Variants in GALNT2 observed in about 807,000 individuals in gnomAD.
GALNT2 encodes the protein polypeptide N-acetylgalactosaminyltransferase 2, also known as UDP-GalNAc:polypeptide N-acetylgalactosaminyltransferase 2.
In GALNT2, 31 loss-of-function variants were observed where a neutral mutation model predicts 81.4. That is an observed-to-expected ratio of 0.38 (90% CI 0.29 to 0.51). The LOEUF is 0.51. Among genes scored for constraint, GALNT2 ranks in the 20% least tolerant of loss-of-function variants. The pLI is 0.87. For synonymous variants in GALNT2, 303 were observed against 287.4 expected (o/e 1.05, Z -0.55); for missense variants, 629 against 765.7 (o/e 0.82, Z 2.11).
chr1:230,201,836 GC>G (rs1221931713), intron 2 of GALNT2, among the ~76,000 whole-genome samples: 1 of 152,084 alleles, frequency 6.6e-6, no homozygotes, highest in African/African-American at 2.4e-5. Context: ...CCCACACCCT[GC>G]CTTTGTTCAG....
intron 3 of GALNT2, among the ~76,000 whole-genome samples, chr1:230,226,701 CA>C (rs1664725013): frequency 6.6e-6 from 1 of 152,250 alleles, no homozygotes; most frequent in Non-Finnish European, 1.5e-5. Context: ...TTAGGGGAGC[CA>C]GTCATCGCAC....
At chr1:230,148,981 A>C (rs1023730071) in intron 1 of GALNT2, among the ~76,000 whole-genome samples, 1 of 151,730 alleles carries the variant, frequency 6.6e-6, no homozygotes, top group African/African-American at 2.4e-5. Flanking sequence ...CCTGGGCTCA[A>C]ATGATTCTCC....
At position 230,227,884 on chromosome 1, in the gene GALNT2, G is replaced by T. The variant is rs115101585; in HGVS notation, c.375-8130G>T. Among the ~76,000 whole-genome samples, 717 of 152,252 alleles carry T rather than the reference G, an allele frequency of 4.7e-3. 10 individuals carry two copies. Among genetic ancestry groups the T allele is most frequent in the African/African-American group, 0.017 (688 of 41,558 alleles). ...TATTGTGTTGCAGGCCATAATCACT[G>T]CCATCTTAAGAATTGCAAGATGTGT... On this transcript the variant is annotated intron_variant, in intron 3 of 15. Coordinates refer to ENST00000366672, the MANE Select transcript of GALNT2 (RefSeq NM_004481.5).
At chr1:230,174,995 G>A (rs1033400757) in intron 1 of GALNT2, among the ~76,000 whole-genome samples, 12 of 152,172 alleles carry the variant, frequency 7.9e-5, no homozygotes, top group African/African-American at 2.9e-4. Flanking sequence ...TGTTCCCCAC[G>A]CTTGTCTGTG....
intron 1 of GALNT2, among the ~76,000 whole-genome samples, chr1:230,098,288 G>A (rs1660307442): frequency 6.6e-6 from 1 of 151,874 alleles, no homozygotes; most frequent in African/African-American, 2.4e-5. Context: ...TCTCCTTTTG[G>A]TCAACTCTGT....
At chr1:230,225,749 C>A (rs1416545077) in intron 3 of GALNT2, among the ~76,000 whole-genome samples, 3 of 150,328 alleles carry the variant, frequency 2.0e-5, no homozygotes, top group Non-Finnish European at 2.9e-5. Context: ...TTCAAGTTAT[C>A]CAGATGAGTC....
At chr1:230,218,263 G>C (rs1459315956) in intron 3 of GALNT2, among the ~76,000 whole-genome samples, 2 of 152,208 alleles carry the variant, frequency 1.3e-5, no homozygotes, top group Non-Finnish European at 2.9e-5. Context: ...GGATGCCACT[G>C]AGTTTCTTAA....
chr1:230,183,544 C>T (rs1011701979), intron 2 of GALNT2, among the ~76,000 whole-genome samples: 3 of 152,166 alleles, frequency 2.0e-5, no homozygotes, highest in Non-Finnish European at 4.4e-5. Flanking sequence ...TGATTCCTCC[C>T]TCCCATCACT....
intron 1 of GALNT2, among the ~76,000 whole-genome samples, chr1:230,167,180 C>T (rs994438140): frequency 1.3e-5 from 2 of 151,478 alleles, no homozygotes; most frequent in Non-Finnish European, 2.9e-5. Context: ...GTCTCTTACT[C>T]TGTTGCCCAG....
At chr1:230,110,390 G>C (rs946071567) in intron 1 of GALNT2, among the ~76,000 whole-genome samples, 7 of 152,146 alleles carry the variant, frequency 4.6e-5, no homozygotes, top group Admixed American at 1.3e-4. Context: ...AGCTCTGACG[G>C]CCTGGGAGCC....
chr1:230,207,171 T>G (rs1035152517), intron 3 of GALNT2, among the ~76,000 whole-genome samples: 5 of 151,966 alleles, frequency 3.3e-5, no homozygotes, highest in African/African-American at 1.2e-4. Flanking sequence ...TTTAGCAGAG[T>G]GCCTGGCATA....
At chr1:230,221,743 C>T (rs1447637812) in intron 3 of GALNT2, among the ~76,000 whole-genome samples, 1 of 152,014 alleles carries the variant, frequency 6.6e-6, no homozygotes, top group Non-Finnish European at 1.5e-5. Context: ...CTTTGATAAC[C>T]TTTTAAAATT....
At chr1:230,066,517 C>T (rs959957954), upstream of GALNT2, among the ~76,000 whole-genome samples, 1 of 152,222 alleles carries the variant, frequency 6.6e-6, no homozygotes, top group Non-Finnish European at 1.5e-5. Context: ...CCTACCAACT[C>T]AAAACCTCCA....
chr1:230,084,023 C>T (rs1222876648), intron 1 of GALNT2, among the ~76,000 whole-genome samples: 1 of 152,236 alleles, frequency 6.6e-6, no homozygotes, highest in South Asian at 2.1e-4. Flanking sequence ...AGGGTCTGCA[C>T]TTCCAGCAGC....
intron 14 of GALNT2, among the ~76,000 whole-genome samples, chr1:230,266,874 G>A (rs1057008134): frequency 1.1e-4 from 17 of 152,204 alleles, no homozygotes; most frequent in East Asian, 7.7e-4. Flanking sequence ...CCGTATCAGC[G>A]TCAACAGTCT....
intron 3 of GALNT2, among the ~76,000 whole-genome samples, chr1:230,216,753 A>G (rs932450478): frequency 1.3e-5 from 2 of 152,180 alleles, no homozygotes; most frequent in Non-Finnish European, 2.9e-5. Context: ...TTAAATGTTA[A>G]TGGTAGAACC....
In GALNT2 at chr1:230,249,175, G is replaced by T; in HGVS notation, c.818-9G>T. On this transcript the variant is annotated splice_polypyrimidine_tract_variant and intron_variant, in intron 8 of 15. Coordinates refer to ENST00000366672, the MANE Select transcript of GALNT2 (RefSeq NM_004481.5). ...TTGTCAACACCCTGTTTCTTTTCCTGGCTGGCAGGTTTTGATTGGAACTTG... is the reference window on the plus strand; with the variant it reads ...TTGTCAACACCCTGTTTCTTTTCCTTGCTGGCAGGTTTTGATTGGAACTTG... 1 of 1,613,920 alleles carries T rather than the reference G, an allele frequency of 6.2e-7. No homozygotes were observed. Among genetic ancestry groups the T allele is most frequent in the South Asian group, 1.1e-5 (1 of 91,064 alleles).
At position 230,131,317 on chromosome 1, in the gene GALNT2, G is replaced by T. The variant is rs565343620; in HGVS notation, c.127-46901G>T. 5.9e-5 allele frequency among the ~76,000 whole-genome samples: 9 copies of T among 152,312 alleles called. No homozygotes were observed. The East Asian group carries it at 1.5e-3, about 26-fold the overall frequency. ...TGGAGGAAGACACTTCCACAGGCCA[G>T]ATGCTAACATTCATTTCTGCTGATC... is the stretch of plus-strand genomic sequence containing the variant. On this transcript the variant is annotated intron_variant, in intron 1 of 15. Transcript: ENST00000366672.
chr1:230,137,254 C>A (rs1353858942), intron 1 of GALNT2, among the ~76,000 whole-genome samples: 1 of 152,224 alleles, frequency 6.6e-6, no homozygotes, highest in Admixed American at 6.5e-5. Context: ...TGCTCTGGGG[C>A]TCCAGCATGG....
Sources: allele counts gnomAD v4.1 joint callset (sites outside exome capture counted in the v4.1 genomes callset), GRCh38; gene constraint gnomAD v4.1.1; transcripts MANE v1.5; gene names NCBI Gene and HGNC (gene_info 2026-07-23, HGNC 2026-07-21).